TP63: variants seen among roughly 807,000 people sequenced by gnomAD.
TP63 encodes the protein tumor protein p63.
In TP63, 17 loss-of-function variants were observed where a neutral mutation model predicts 82.8. The ratio of observed to expected loss-of-function variants is 0.21; its 90% CI spans 0.14 to 0.31. TP63 has a LOEUF of 0.31. Ranked by LOEUF, TP63 falls within the 10% of genes least tolerant of loss-of-function variation. TP63 has a pLI of 1.00. For synonymous variants in TP63, 330 were observed against 321.7 expected, an observed-to-expected ratio of 1.03 and a Z score of -0.28; for missense variants, 648 against 895.3, an observed-to-expected ratio of 0.72 and a Z score of 3.52.
chr3:189,642,781 T>G (rs954362577), intron 1 of TP63, among the ~76,000 whole-genome samples: 1 of 152,092 alleles, frequency 6.6e-6, no homozygotes, highest in African/African-American at 2.4e-5. Context: ...GGATTCTGAT[T>G]TCTATCACAT....
intron 1 of TP63, among the ~76,000 whole-genome samples, chr3:189,656,061 T>C (rs2108644505): frequency 6.6e-6 from 1 of 152,294 alleles, no homozygotes; most frequent in South Asian, 2.1e-4. Flanking sequence ...ATCAACAAGA[T>C]TGTATAATAA....
intron 1 of TP63, among the ~76,000 whole-genome samples, chr3:189,725,473 A>G (rs1719703786): frequency 1.3e-5 from 2 of 152,240 alleles, no homozygotes; most frequent in Admixed American, 6.5e-5. Context: ...TTTTTATGCC[A>G]CCAAAACTTA....
At chr3:189,596,970 G>A in the TP63 span, among the ~76,000 whole-genome samples, 1 of 152,008 alleles carries the variant, frequency 6.6e-6, no homozygotes, top group South Asian at 2.1e-4. Context: ...CACTCACTGC[G>A]AAGGTCTGCA....
At chr3:189,750,627 AG>A (rs1265909098) in intron 3 of TP63, among the ~76,000 whole-genome samples, 1 of 152,162 alleles carries the variant, frequency 6.6e-6, no homozygotes, top group African/African-American at 2.4e-5. Flanking sequence ...AAAAATATTG[AG>A]GATCCAAAAA....
chr3:189,730,283 G>A (rs1451333033), intron 1 of TP63, among the ~76,000 whole-genome samples: 2 of 152,114 alleles, frequency 1.3e-5, no homozygotes, highest in East Asian at 3.9e-4. Flanking sequence ...TGGCAACATT[G>A]AGAATCTGCA....
At chr3:189,704,864 A>C (rs941755065) in intron 1 of TP63, among the ~76,000 whole-genome samples, 1 of 152,208 alleles carries the variant, frequency 6.6e-6, no homozygotes, top group Non-Finnish European at 1.5e-5. Context: ...AAATAGGCTA[A>C]AATCTCTCAT....
At chr3:189,804,629 T>G (rs1302282903) in intron 3 of TP63, among the ~76,000 whole-genome samples, 1 of 152,250 alleles carries the variant, frequency 6.6e-6, no homozygotes, top group East Asian at 1.9e-4. Context: ...AATAAGAATA[T>G]TTTCTTTAAA....
At chr3:189,619,403 C>A in the TP63 span, among the ~76,000 whole-genome samples, 1 of 152,162 alleles carries the variant, frequency 6.6e-6, no homozygotes, top group Admixed American at 6.5e-5. Flanking sequence ...CCACTTAATG[C>A]CCCTATCTAT....
intron 1 of TP63, among the ~76,000 whole-genome samples, chr3:189,670,735 C>G (rs1714819119): frequency 6.6e-6 from 1 of 151,826 alleles, no homozygotes; most frequent in Non-Finnish European, 1.5e-5. Flanking sequence ...AACAGAGAAC[C>G]CAGAAATAAA....
intron 3 of TP63, among the ~76,000 whole-genome samples, chr3:189,768,001 A>G (rs181975771): frequency 1.3e-5 from 2 of 152,272 alleles, no homozygotes; most frequent in East Asian, 3.9e-4. Context: ...ATCACATACA[A>G]TATGTCAGCA....
At position 189,727,269 on chromosome 3, in the gene TP63, A is replaced by G. The variant is rs541450201; in HGVS notation, c.63-10471A>G. Among the ~76,000 whole-genome samples the G allele has an allele frequency of 2.6e-5, 4 of 152,330 alleles. No homozygotes were observed. The East Asian group carries it at 7.7e-4, about 29-fold the overall frequency. ...TTGTGTAAGATTGTTCAGAACTGTC[A>G]TCAGATTCCCATAATAGATTCTATA... On this transcript the variant is annotated intron_variant, in intron 1 of 13. Coordinates refer to ENST00000264731, the MANE Select transcript of TP63 (RefSeq NM_003722.5).
intron 3 of TP63, among the ~76,000 whole-genome samples, chr3:189,764,981 T>C (rs6765473): frequency 0.095 from 14,459 of 152,248 alleles, 925 homozygotes; most frequent in Admixed American, 0.17. Context: ...AAGAACTCTT[T>C]TAGATGTCTG....
chr3:189,615,742 G>T, the TP63 span, among the ~76,000 whole-genome samples: 1 of 152,054 alleles, frequency 6.6e-6, no homozygotes, highest in Non-Finnish European at 1.5e-5. Flanking sequence ...GTTACCTCAG[G>T]CCATTTCTCC....
intron 3 of TP63, among the ~76,000 whole-genome samples, chr3:189,764,408 G>T (rs564041251): frequency 6.6e-6 from 1 of 152,136 alleles, no homozygotes; most frequent in Non-Finnish European, 1.5e-5. Context: ...AGGATTACAG[G>T]TGTCTTCATC....
chr3:189,849,939 G>A (rs143129324), intron 4 of TP63, among the ~76,000 whole-genome samples: 158 of 152,252 alleles, frequency 1.0e-3, no homozygotes, highest in Middle Eastern at 0.01. Flanking sequence ...CAAGTTTACA[G>A]GTTGGTGCTA....
At chr3:189,856,658 C>G (rs2378526) in intron 4 of TP63, among the ~76,000 whole-genome samples, 91,208 of 151,724 alleles carry the variant, frequency 0.6, 28,206 homozygotes, top group African/African-American at 0.76. Context: ...AGTAAGTTTA[C>G]CAAGGTCATA....
At chr3:189,678,605 T>A (rs1173144241) in intron 1 of TP63, among the ~76,000 whole-genome samples, 1 of 152,130 alleles carries the variant, frequency 6.6e-6, no homozygotes, top group Non-Finnish European at 1.5e-5. Flanking sequence ...GGTTTGTTTT[T>A]TCTAATTCTG....
chr3:189,739,102 C>A (rs1267463958), intron 3 of TP63, among the ~76,000 whole-genome samples: 1 of 152,036 alleles, frequency 6.6e-6, no homozygotes, highest in Non-Finnish European at 1.5e-5. Context: ...GCAAAAGAAT[C>A]AGAAATTTAT....
intron 1 of TP63, among the ~76,000 whole-genome samples, chr3:189,734,799 C>G (rs192919403): frequency 3.9e-5 from 6 of 152,306 alleles, no homozygotes; most frequent in African/African-American, 1.2e-4. Context: ...TAGTTCAAGA[C>G]AGTCCTCTCT....
Sources: allele counts gnomAD v4.1 joint callset (sites outside exome capture counted in the v4.1 genomes callset), GRCh38; gene constraint gnomAD v4.1.1; transcripts MANE v1.5; gene names NCBI Gene and HGNC (gene_info 2026-07-23, HGNC 2026-07-21).